Variants in CYP2C18 observed in about 807,000 individuals in gnomAD.
CYP2C18 encodes cytochrome P450 family 2 subfamily C member 18.
In CYP2C18, 38 loss-of-function variants were observed where a neutral mutation model predicts 41.3. The observed-to-expected ratio is 0.92, with a 90% CI of 0.71 to 1.21. CYP2C18 has a LOEUF of 1.21. CYP2C18 is among the 50% of genes most tolerant of loss of function. The probability of loss-of-function intolerance (pLI) is 0.00; values close to 1 mark genes in which losing one functional copy is unlikely to be tolerated. For missense variants in CYP2C18, 635 were observed against 591.4 expected, an observed-to-expected ratio of 1.07 and a Z score of -0.77; for synonymous variants, 236 against 210.0, an observed-to-expected ratio of 1.12 and a Z score of -1.07.
chr10:94,690,418 A>T (rs1479276179), intron 3 of CYP2C18, among the ~76,000 whole-genome samples: 1 of 152,242 alleles, frequency 6.6e-6, no homozygotes, highest in African/African-American at 2.4e-5. Context: ...CTATGCAAAT[A>T]AACTAGGAAA....
Position 94,694,907 on chromosome 10 carries a change from A to C in CYP2C18, c.482-10A>C. ...TTTAATGGTAATTTAAAATATTTCC[A>C]ATCCTTTAGCCTCACCCTGTGATCC... On this transcript the variant is annotated splice_polypyrimidine_tract_variant and intron_variant, in intron 3 of 8. Coordinates refer to ENST00000285979, the MANE Select transcript of CYP2C18 (RefSeq NM_000772.3). 2 of 1,608,156 alleles carry C rather than the reference A, an allele frequency of 1.2e-6. No individual in the cohort carries two copies. The highest frequency in any genetic ancestry group is 1.7e-6 in the Non-Finnish European group (2 of 1,178,252).
chr10:94,724,692 G>C (rs949296089), intron 7 of CYP2C18, among the ~76,000 whole-genome samples, 159 bp downstream of exon 7: 1 of 152,090 alleles, frequency 6.6e-6, no homozygotes, highest in African/African-American at 2.4e-5. Flanking sequence ...TTGGGCCTAT[G>C]AAGGTTTATA....
Position 94,694,953 on chromosome 10 carries a change from C to T in CYP2C18, c.518C>T (p.Ala173Val), listed in dbSNP as rs2134180373. Residue 173 changes from alanine to valine, a missense_variant, in exon 4 of 9, where the codon GCT (alanine) becomes GTT (valine). Ala to Val is a moderately conservative substitution (Grantham distance 64). Coordinates refer to ENST00000285979, the MANE Select transcript of CYP2C18 (RefSeq NM_000772.3). ...GATCCCACTTTCATCCTGGGCTGTG[C>T]TCCCTGCAATGTGATCTGCTCTGTT... Reference protein sequence around the residue: ...PCDPTFILGCAPCNVICSVIF... With the variant: ...PCDPTFILGCVPCNVICSVIF... 2 of 1,612,916 alleles carry T rather than the reference C, an allele frequency of 1.2e-6. No individual in the cohort carries two copies. The highest frequency in any genetic ancestry group is 1.7e-6 in the Non-Finnish European group (2 of 1,179,842).
At chr10:94,721,732 A>T (rs969968240) in intron 6 of CYP2C18, among the ~76,000 whole-genome samples, 1 of 151,968 alleles carries the variant, frequency 6.6e-6, no homozygotes, top group Non-Finnish European at 1.5e-5. Flanking sequence ...TATTTTGAGC[A>T]TTTGCACTTA....
intron 1 of CYP2C18, among the ~76,000 whole-genome samples, chr10:94,685,790 CTA>C (rs1846876492): frequency 6.6e-6 from 1 of 152,146 alleles, no homozygotes; most frequent in African/African-American, 2.4e-5. Flanking sequence ...GTTTTGCTTA[CTA>C]TAGCTTTGTA....
At chr10:94,702,497 T>C (rs993342281) in intron 4 of CYP2C18, among the ~76,000 whole-genome samples, 1 of 151,954 alleles carries the variant, frequency 6.6e-6, no homozygotes, top group African/African-American at 2.4e-5. Context: ...CTTCAATGTC[T>C]GTTATCCTTT....
chr10:94,724,339 T>A lies in CYP2C18; in HGVS notation c.962-7T>A, dbSNP rs1166244846. On this transcript the variant is annotated splice_region_variant and splice_polypyrimidine_tract_variant and intron_variant, in intron 6 of 8. Transcript: ENST00000285979. ...TTTTCCATCATTTCTTACTTGTGTCTTATCAGCTAAAGTCCAGGAAGAGAT... is the reference window on the plus strand; with the variant it reads ...TTTTCCATCATTTCTTACTTGTGTCATATCAGCTAAAGTCCAGGAAGAGAT... 6.2e-7 allele frequency: 1 copy of A among 1,613,010 alleles called. No individual in the cohort carries two copies. Among genetic ancestry groups the A allele is most frequent in the South Asian group, 1.1e-5 (1 of 91,050 alleles).
chr10:94,727,614 C>CAA (rs201693884), intron 7 of CYP2C18, among the ~76,000 whole-genome samples: 555 of 140,652 alleles, frequency 3.9e-3, no homozygotes, highest in African/African-American at 9.3e-3. Context: ...GGCCCTGTCT[C>CAA]AAAAAAAACA....
At chr10:94,711,776 A>G (rs919283731) in intron 5 of CYP2C18, among the ~76,000 whole-genome samples, 1 of 152,054 alleles carries the variant, frequency 6.6e-6, no homozygotes, top group East Asian at 1.9e-4. Context: ...TGTATTTTTT[A>G]GGGAATAATG....
chr10:94,727,286 C>T (rs1173200427), intron 7 of CYP2C18, among the ~76,000 whole-genome samples: 1 of 152,016 alleles, frequency 6.6e-6, no homozygotes, highest in Non-Finnish European at 1.5e-5. Flanking sequence ...ATTTATTTTC[C>T]TTATTTATCA....
Position 94,707,703 on chromosome 10 carries a change from G to A in CYP2C18, c.819+743G>A, listed in dbSNP as rs189985659. The stretch of plus-strand genomic sequence containing the variant: ...ATATTTGAAGTTCAGCTTGCTGAAA[G>A]TGTGGGCTACAGAAACAGATTCTGA... On this transcript the variant is annotated intron_variant, in intron 5 of 8. Transcript: ENST00000285979. 5.9e-5 allele frequency among the ~76,000 whole-genome samples: 9 copies of A among 152,314 alleles called. No homozygotes were observed. The East Asian group carries it at 1.7e-3, about 29-fold the overall frequency.
At chr10:94,697,443 C>T (rs1288278627) in intron 4 of CYP2C18, among the ~76,000 whole-genome samples, 2 of 152,152 alleles carry the variant, frequency 1.3e-5, no homozygotes, top group Non-Finnish European at 2.9e-5. Context: ...GAGATTTTGT[C>T]ACCACCACGC....
At chr10:94,728,663 C>A in intron 7 of CYP2C18, 2 of 908,218 alleles carry the variant, frequency 2.2e-6, no homozygotes, top group Non-Finnish European at 2.6e-6. Context: ...TTGTTGATAT[C>A]ATCTCAGAAG....
At chr10:94,733,133 A>G (rs1847862293) in intron 7 of CYP2C18, among the ~76,000 whole-genome samples, 164 bp from the exon 8 acceptor site, 1 of 152,048 alleles carries the variant, frequency 6.6e-6, no homozygotes, top group African/African-American at 2.4e-5. Context: ...ACTTGCCTTA[A>G]AGTCATACTG....
intron 8 of CYP2C18, among the ~76,000 whole-genome samples, chr10:94,734,209 A>G (rs1847880279): frequency 6.6e-6 from 1 of 152,096 alleles, no homozygotes; most frequent in African/African-American, 2.4e-5. Context: ...ATAGTCTGCA[A>G]TAATTCCAGA....
chr10:94,720,877 T>C (rs1035500105), intron 6 of CYP2C18, among the ~76,000 whole-genome samples: 1 of 152,194 alleles, frequency 6.6e-6, no homozygotes, highest in Non-Finnish European at 1.5e-5. Flanking sequence ...GTATGTTGGT[T>C]TTCTAAAGAA....
intron 5 of CYP2C18, among the ~76,000 whole-genome samples, chr10:94,714,751 C>G (rs1273700005): frequency 2.0e-5 from 3 of 152,152 alleles, no homozygotes. Context: ...GGCATTGAAT[C>G]TATAAATTAC....
At chr10:94,708,895 A>T (rs1041244755) in intron 5 of CYP2C18, among the ~76,000 whole-genome samples, 11 of 152,186 alleles carry the variant, frequency 7.2e-5, no homozygotes, top group Non-Finnish European at 1.3e-4. Flanking sequence ...TTGACATAGC[A>T]TGTATCAGTA....
intron 4 of CYP2C18, among the ~76,000 whole-genome samples, chr10:94,699,568 A>G (rs939889508): frequency 1.4e-4 from 21 of 152,206 alleles, no homozygotes; most frequent in Admixed American, 3.9e-4. Flanking sequence ...AAACAGGCAC[A>G]AGACAGGGAT....
Sources: gnomAD v4.1 joint callset for allele counts (sites outside exome capture counted in the v4.1 genomes callset) on GRCh38, gnomAD v4.1.1 for gene constraint, MANE v1.5 for transcripts, NCBI Gene and HGNC (gene_info 2026-07-23, HGNC 2026-07-21) for gene names.